The following SCMH1 variants were observed in gnomAD, a reference collection of about 807,000 sequenced individuals.
The protein encoded by SCMH1 is Scm polycomb group protein homolog 1.
Under a neutral mutation model 70.8 loss-of-function variants are expected in SCMH1, and 37 were observed. The observed-to-expected ratio is 0.52, with a 90% confidence interval of 0.40 to 0.69. The LOEUF is 0.69. Among genes scored for constraint, SCMH1 ranks in the 30% least tolerant of loss-of-function variants. The pLI is 0.00. For missense variants in SCMH1, 607 were observed against 827.3 expected, an observed-to-expected ratio of 0.73 and a Z score of 3.27; for synonymous variants, 292 against 307.4, an observed-to-expected ratio of 0.95 and a Z score of 0.52.
chr1:41,193,531 GGGTT>G (rs1051160951), intron 1 of SCMH1, among the ~76,000 whole-genome samples: 8 of 152,198 alleles, frequency 5.3e-5, no homozygotes, highest in Admixed American at 1.3e-4. Context: ...GGTTGGGGGG[GGGTT>G]GAGGAAAGCT....
intron 9 of SCMH1, 25 bp from the exon 10 acceptor site, chr1:41,070,746 T>C: frequency 6.2e-7 from 1 of 1,613,100 alleles, no homozygotes; most frequent in Non-Finnish European, 8.5e-7. Flanking sequence ...GGGAAAAAAA[T>C]TGCTACCCAT....
At chr1:41,099,852 T>C (rs1258754329) in intron 8 of SCMH1, among the ~76,000 whole-genome samples, 2 of 152,236 alleles carry the variant, frequency 1.3e-5, no homozygotes, top group Middle Eastern at 3.2e-3. Flanking sequence ...GGACCTTGTA[T>C]GGGCTTGCTA....
At chr1:41,063,014 A>T (rs1653308598) in intron 10 of SCMH1, among the ~76,000 whole-genome samples, 1 of 152,154 alleles carries the variant, frequency 6.6e-6, no homozygotes, top group African/African-American at 2.4e-5. Context: ...AGGGTGACTT[A>T]TAGCACTGAA....
chr1:41,163,248 A>AC (rs58705060), intron 2 of SCMH1, among the ~76,000 whole-genome samples: 152,288 of 152,296 alleles, frequency 1, 76,140 homozygotes, highest in Middle Eastern at 1. Context: ...GGAGCTGCCC[A>AC]CTTGCGGCAG....
At chr1:41,207,589 A>G (rs1467301120) in intron 1 of SCMH1, among the ~76,000 whole-genome samples, 1 of 152,206 alleles carries the variant, frequency 6.6e-6, no homozygotes, top group African/African-American at 2.4e-5. Flanking sequence ...TACAATAATA[A>G]TGGGAGACTT....
At position 41,151,584 on chromosome 1, in the gene SCMH1, CA is replaced by C. The variant is rs762137951; in HGVS notation, c.177+29del. 2.8e-5 allele frequency: 43 copies of C among 1,555,996 alleles called. No homozygotes were observed. In the Admixed American group the frequency reaches 4.2e-4, roughly 15 times the overall value. ...AACCATAAAAAAATGACTTATCTTC[CA>C]CCTACTAAAGATGTTGAAAATCAAT... On this transcript the variant is annotated intron_variant, in intron 5 of 14. Transcript: ENST00000337495.
At chr1:41,217,310 C>T (rs1306570077) in intron 1 of SCMH1, among the ~76,000 whole-genome samples, 1 of 152,074 alleles carries the variant, frequency 6.6e-6, no homozygotes, top group African/African-American at 2.4e-5. Context: ...TTAGCTGAGG[C>T]GATTTCTAAG....
At position 41,055,216 on chromosome 1, in the gene SCMH1, A is replaced by C. The variant is rs191840314; in HGVS notation, c.1106-6326T>G. Among the ~76,000 whole-genome samples the C allele has an allele frequency of 4.6e-5, 7 of 152,342 alleles. No individual in the cohort carries two copies. The East Asian group carries it at 1.2e-3, about 25-fold the overall frequency. On this transcript the variant is annotated intron_variant, in intron 10 of 14. Transcript: ENST00000337495. ...CCTTATATAGGCAGGAAGGAAACTA[A>C]AAAGGCAATCTCAGTTTTCTTATGG...
intron 12 of SCMH1, among the ~76,000 whole-genome samples, chr1:41,039,713 A>G (rs957697637): frequency 4.0e-5 from 6 of 151,606 alleles, no homozygotes; most frequent in Admixed American, 2.0e-4. Context: ...GCTTCAAGTG[A>G]TCTGCCCACC....
intron 2 of SCMH1, among the ~76,000 whole-genome samples, chr1:41,183,971 TAC>T (rs1649499825): frequency 1.3e-5 from 2 of 152,306 alleles, no homozygotes; most frequent in African/African-American, 4.8e-5. Context: ...TTTTAATGGG[TAC>T]AGTTTCAGTT....
At chr1:41,040,008 T>G (rs939807640) in intron 12 of SCMH1, among the ~76,000 whole-genome samples, 3 of 151,348 alleles carry the variant, frequency 2.0e-5, no homozygotes, top group African/African-American at 7.3e-5. Context: ...AACTTTGAAA[T>G]CACTGGTGCA....
chr1:41,176,713 G>A (rs958989274), intron 2 of SCMH1, among the ~76,000 whole-genome samples: 2 of 152,198 alleles, frequency 1.3e-5, no homozygotes, highest in African/African-American at 2.4e-5. Context: ...AGGGGCGCCC[G>A]CCATTGCTGA....
intron 10 of SCMH1, among the ~76,000 whole-genome samples, chr1:41,063,359 G>A (rs1208049993): frequency 2.0e-5 from 3 of 152,030 alleles, no homozygotes; most frequent in Non-Finnish European, 4.4e-5. Context: ...TGTAGTCCCA[G>A]CTACTTAGGA....
intron 2 of SCMH1, among the ~76,000 whole-genome samples, chr1:41,163,555 G>A (rs1398503698): frequency 1.3e-5 from 2 of 152,170 alleles, no homozygotes; most frequent in African/African-American, 2.4e-5. Flanking sequence ...TAAGGTGGTC[G>A]CTAATTCAGC....
At chr1:41,242,189 G>GGGGCTCCACCGAGCTGGCGGTGGC (rs1553192214), upstream of SCMH1, 6 of 147,010 alleles carry the variant, frequency 4.1e-5, no homozygotes, top group Non-Finnish European at 7.6e-5. The surrounding 1 kb of genome is among the most constrained non-coding windows in gnomAD (Gnocchi z 5.2). Context: ...CGGGCGGCGG[G>GGGGCTCCACCGAGCTGGCGGTGGC]GGGCTCCACC....
At chr1:41,241,683 G>A (rs1663586064) in intron 1 of SCMH1, among the ~76,000 whole-genome samples, 1 of 151,886 alleles carries the variant, frequency 6.6e-6, no homozygotes, top group African/African-American at 2.4e-5. Flanking sequence ...ACCCGGCCCC[G>A]CCGGCCAGAC....
intron 2 of SCMH1, among the ~76,000 whole-genome samples, chr1:41,173,759 A>G (rs555499956): frequency 3.9e-5 from 6 of 152,336 alleles, no homozygotes; most frequent in Admixed American, 2.0e-4. Context: ...TGGTATATAT[A>G]AACAATGGGA....
At chr1:41,036,999 ATC>A (rs1444244026) in intron 13 of SCMH1, among the ~76,000 whole-genome samples, 2 of 151,400 alleles carry the variant, frequency 1.3e-5, no homozygotes, top group African/African-American at 4.9e-5. Flanking sequence ...TTTAATAATT[ATC>A]TGTTTACGTG....
At chr1:41,085,842 T>C (rs1661475471) in intron 8 of SCMH1, among the ~76,000 whole-genome samples, 2 of 141,780 alleles carry the variant, frequency 1.4e-5, no homozygotes, top group Admixed American at 7.0e-5. Context: ...CACCTGCTTT[T>C]TTTTTTTTTT....
Sources: allele counts gnomAD v4.1 joint callset (sites outside exome capture counted in the v4.1 genomes callset), GRCh38; gene constraint gnomAD v4.1.1; non-coding constraint Gnocchi (gnomAD v3.1); transcripts MANE v1.5; gene names NCBI Gene and HGNC (gene_info 2026-07-23, HGNC 2026-07-21).